NKAIN3: variants seen among roughly 807,000 people sequenced by gnomAD.
NKAIN3 encodes sodium/potassium-transporting ATPase subunit beta-1-interacting protein 3.
Under a neutral mutation model 30.2 loss-of-function variants are expected in NKAIN3, and 25 were observed. The observed-to-expected ratio is 0.83, with a 90% CI of 0.60 to 1.16. The LOEUF is 1.16. Among genes scored for constraint, NKAIN3 ranks in the 50% most tolerant of loss-of-function variants. The pLI is 0.00. For missense variants in NKAIN3, 225 were observed against 254.1 expected (o/e 0.89, Z 0.78); for synonymous variants, 91 against 89.6 (o/e 1.02, Z -0.09).
intron 1 of NKAIN3, among the ~76,000 whole-genome samples, chr8:62,493,791 T>C (rs1222432648): frequency 2.6e-5 from 4 of 152,168 alleles, no homozygotes; most frequent in African/African-American, 9.7e-5. Flanking sequence ...TTTGTGGCAG[T>C]TGTGAATTGG....
intron 4 of NKAIN3, among the ~76,000 whole-genome samples, chr8:62,894,888 T>A (rs898531244): frequency 6.6e-6 from 1 of 152,172 alleles, no homozygotes; most frequent in Admixed American, 6.5e-5. Flanking sequence ...GAGTGAAATC[T>A]ATCACATCAA....
intron 3 of NKAIN3, among the ~76,000 whole-genome samples, chr8:62,672,742 G>C (rs972825886): frequency 7.2e-5 from 11 of 152,042 alleles, no homozygotes; most frequent in African/African-American, 2.7e-4. Flanking sequence ...TTATTCTCTA[G>C]ATAAACTTAA....
intron 3 of NKAIN3, among the ~76,000 whole-genome samples, chr8:62,605,560 T>C (rs1270328877): frequency 1.3e-5 from 2 of 151,880 alleles, no homozygotes; most frequent in Non-Finnish European, 2.9e-5. Context: ...AGGTTCCACA[T>C]CCATGCATTC....
intron 6 of NKAIN3, among the ~76,000 whole-genome samples, chr8:62,959,316 T>C (rs1823503387): frequency 2.0e-5 from 3 of 152,134 alleles, no homozygotes; most frequent in Admixed American, 2.0e-4. Context: ...TGGTCACGTC[T>C]CTCTGCACTT....
At chr8:62,638,167 C>T (rs764950437) in intron 3 of NKAIN3, among the ~76,000 whole-genome samples, 16 of 152,078 alleles carry the variant, frequency 1.1e-4, no homozygotes, top group Non-Finnish European at 2.2e-4. Flanking sequence ...TTGGCTCATG[C>T]TAATAAGGTT....
chr8:62,682,877 C>T (rs1217255005), intron 3 of NKAIN3, among the ~76,000 whole-genome samples: 4 of 152,090 alleles, frequency 2.6e-5, no homozygotes, highest in Non-Finnish European at 4.4e-5. Flanking sequence ...TCTGCCCCAA[C>T]CTGATGGTCT....
intron 3 of NKAIN3, among the ~76,000 whole-genome samples, chr8:62,733,674 G>C (rs1436034900): frequency 6.6e-6 from 1 of 151,680 alleles, no homozygotes; most frequent in East Asian, 1.9e-4. Context: ...TTCTAATATT[G>C]CCTCCTACTC....
At chr8:62,756,967 TATTG>T (rs1319378571) in intron 4 of NKAIN3, among the ~76,000 whole-genome samples, 5 of 152,162 alleles carry the variant, frequency 3.3e-5, no homozygotes, top group Non-Finnish European at 7.4e-5. Flanking sequence ...AATCTCCAAA[TATTG>T]ATTATTAAAT....
intron 1 of NKAIN3, among the ~76,000 whole-genome samples, chr8:62,367,589 T>C (rs961768564): frequency 6.6e-6 from 1 of 152,152 alleles, no homozygotes; most frequent in Non-Finnish European, 1.5e-5. Flanking sequence ...CTTACCACAA[T>C]AAAGGTGCAA....
At chr8:62,952,797 G>A (rs564231102) in intron 5 of NKAIN3, among the ~76,000 whole-genome samples, 2 of 152,136 alleles carry the variant, frequency 1.3e-5, no homozygotes, top group Non-Finnish European at 2.9e-5. Context: ...AACTCAAAAT[G>A]TTGCACAAGA....
At chr8:62,430,539 C>T (rs751226963) in intron 1 of NKAIN3, among the ~76,000 whole-genome samples, 2 of 151,550 alleles carry the variant, frequency 1.3e-5, no homozygotes, top group Non-Finnish European at 3.0e-5. Context: ...AGTGGCTATA[C>T]CATTTGCATT....
At chr8:62,780,197 T>A (rs1817312769) in intron 4 of NKAIN3, among the ~76,000 whole-genome samples, 1 of 151,976 alleles carries the variant, frequency 6.6e-6, no homozygotes, top group South Asian at 2.1e-4. Context: ...CCTGAGGAAA[T>A]GGATATATTC....
chr8:62,538,544 G>T (rs1394458255), intron 1 of NKAIN3, among the ~76,000 whole-genome samples: 2 of 152,118 alleles, frequency 1.3e-5, no homozygotes, highest in African/African-American at 4.8e-5. Flanking sequence ...ACTTCCAAAA[G>T]AAAGTGGTTT....
chr8:62,986,098 T>A (rs138291388), downstream of NKAIN3, among the ~76,000 whole-genome samples: 84 of 152,334 alleles, frequency 5.5e-4, no homozygotes, highest in South Asian at 1.9e-3. Flanking sequence ...AATCATATTG[T>A]ATGGCAGACA....
chr8:62,590,815 C>T (rs1446626081), intron 3 of NKAIN3, among the ~76,000 whole-genome samples: 1 of 151,726 alleles, frequency 6.6e-6, no homozygotes, highest in Non-Finnish European at 1.5e-5. Context: ...ACTCTTTTTT[C>T]TCCACTATAA....
intron 1 of NKAIN3, among the ~76,000 whole-genome samples, chr8:62,271,616 T>C (rs1812780049): frequency 6.6e-6 from 1 of 152,160 alleles, no homozygotes; most frequent in African/African-American, 2.4e-5. Flanking sequence ...AATAGACTCA[T>C]GTTAGCTGTT....
chr8:62,633,385 CG>C (rs1563492737), intron 3 of NKAIN3, among the ~76,000 whole-genome samples: 2 of 152,006 alleles, frequency 1.3e-5, no homozygotes, highest in Non-Finnish European at 2.9e-5. Context: ...TGTTCTTGGA[CG>C]GGGGATTTGT....
intron 2 of NKAIN3, among the ~76,000 whole-genome samples, chr8:62,588,853 C>T (rs1189436494): frequency 6.6e-6 from 1 of 151,640 alleles, no homozygotes; most frequent in African/African-American, 2.4e-5. Context: ...AAGTACTATC[C>T]TCAGTCATCC....
At chr8:62,329,018 A>C (rs1008883337) in intron 1 of NKAIN3, among the ~76,000 whole-genome samples, 1 of 152,018 alleles carries the variant, frequency 6.6e-6, no homozygotes, top group East Asian at 1.9e-4. Context: ...TCTCTGGGGA[A>C]TCCATGTCAT....
Sources: allele counts gnomAD v4.1 joint callset (sites outside exome capture counted in the v4.1 genomes callset), GRCh38; gene constraint gnomAD v4.1.1; transcripts MANE v1.5; gene names NCBI Gene and HGNC (gene_info 2026-07-23, HGNC 2026-07-21).